The following GRM8 variants were observed in gnomAD, a reference collection of about 807,000 sequenced individuals.
GRM8 encodes the protein glutamate metabotropic receptor 8, also known as metabotropic glutamate receptor 8.
In GRM8, 47 loss-of-function variants were observed where a neutral mutation model predicts 87.2. The observed-to-expected ratio is 0.54, with a 90% confidence interval of 0.43 to 0.69. The LOEUF (loss-of-function observed/expected upper bound fraction) is 0.69, where lower values mean the gene tolerates loss of function less well. GRM8 is among the 30% of genes least tolerant of loss of function. The pLI, the probability that GRM8 is intolerant of heterozygous loss-of-function variation, is 0.00. For missense variants in GRM8, 1,019 were observed against 1,139.2 expected (o/e 0.89, Z 1.52); for synonymous variants, 396 against 404.5 (o/e 0.98, Z 0.25).
intron 2 of GRM8, among the ~76,000 whole-genome samples, chr7:127,163,477 G>A (rs1007557130): frequency 5.3e-5 from 8 of 152,190 alleles, no homozygotes; most frequent in African/African-American, 1.9e-4. Context: ...CTAGGTGGTA[G>A]GGGGTTCCCC....
At position 126,771,824 on chromosome 7, in the gene GRM8, A is replaced by T. The variant is rs370200699; in HGVS notation, c.1157-1759T>A. On this transcript the variant is annotated intron_variant, in intron 6 of 10. Transcript: ENST00000339582. ...CTACTGAAAGTTTTGCAAGTTTGCG[A>T]GCACAAAGAGACAGGGAAGATTACT... is the stretch of plus-strand genomic sequence containing the variant. Among the ~76,000 whole-genome samples the T allele has an allele frequency of 4.6e-5, 7 of 152,076 alleles. No homozygotes were observed. The East Asian group carries it at 1.4e-3, about 29-fold the overall frequency.
At position 126,439,065 on chromosome 7, in the gene GRM8, T is replaced by C; in HGVS notation, c.*54A>G. 1 of 1,073,768 alleles carries C rather than the reference T, an allele frequency of 9.3e-7. No homozygotes were observed. Among genetic ancestry groups the C allele is most frequent in the Non-Finnish European group, 1.5e-6 (1 of 687,338 alleles). 66.5% of individuals were successfully genotyped at this position (1,073,768 alleles called of 1,614,324 possible). A position where few individuals can be genotyped will look rare whatever the true frequency, so the allele number is the denominator to read the frequency against. On this transcript the variant is annotated 3_prime_UTR_variant, in exon 11 of 11. Transcript: ENST00000339582. ...AGGAGTGAATTTTTGCGGTCTCATG[T>C]TCATCATTTAAGATCATATACCACA...
intron 9 of GRM8, among the ~76,000 whole-genome samples, chr7:126,472,680 C>T (rs189515035): frequency 5.6e-4 from 86 of 152,292 alleles, no homozygotes; most frequent in Non-Finnish European, 7.9e-4. Context: ...TTCACTGCCA[C>T]GACAATGGGG....
chr7:126,677,731 C>G (rs1054638520), intron 7 of GRM8, among the ~76,000 whole-genome samples: 6 of 152,186 alleles, frequency 3.9e-5, no homozygotes, highest in Admixed American at 2.0e-4. Context: ...GATAAAAAAA[C>G]TACCTATTAG....
At chr7:126,834,139 C>G (rs1184427019) in intron 6 of GRM8, among the ~76,000 whole-genome samples, 2 of 152,178 alleles carry the variant, frequency 1.3e-5, no homozygotes, top group Non-Finnish European at 2.9e-5. Flanking sequence ...CCAAATGGTG[C>G]TAGGTAATAT....
intron 7 of GRM8, among the ~76,000 whole-genome samples, chr7:126,647,288 T>C (rs1203238370): frequency 3.2e-5 from 4 of 123,214 alleles, no homozygotes; most frequent in African/African-American, 9.6e-5. Flanking sequence ...TCTACATAAA[T>C]AGATGGATAG....
At chr7:127,006,491 A>T (rs1446068873) in intron 3 of GRM8, among the ~76,000 whole-genome samples, 1 of 151,974 alleles carries the variant, frequency 6.6e-6, no homozygotes. Context: ...AATCCACTCC[A>T]ATCAGACGTC....
intron 9 of GRM8, among the ~76,000 whole-genome samples, chr7:126,507,792 C>A (rs992651440): frequency 1.1e-4 from 17 of 152,058 alleles, no homozygotes; most frequent in African/African-American, 3.9e-4. Context: ...TCTTTTAGAG[C>A]AACTTGGCCC....
intron 7 of GRM8, among the ~76,000 whole-genome samples, chr7:126,716,805 T>C (rs1811795830): frequency 6.6e-6 from 1 of 151,996 alleles, no homozygotes; most frequent in African/African-American, 2.4e-5. Context: ...AATGAAGAAA[T>C]GGGAGTGATT....
At chr7:126,826,170 A>T (rs1282122458) in intron 6 of GRM8, among the ~76,000 whole-genome samples, 3 of 152,054 alleles carry the variant, frequency 2.0e-5, no homozygotes, top group Admixed American at 6.6e-5. Flanking sequence ...GAATAGTGCC[A>T]CAATAAACAT....
chr7:127,190,186 G>A (rs1305605218), intron 2 of GRM8, among the ~76,000 whole-genome samples: 1 of 152,192 alleles, frequency 6.6e-6, no homozygotes, highest in African/African-American at 2.4e-5. Context: ...TCATGGTGAT[G>A]GAAGAGAAGC....
intron 3 of GRM8, among the ~76,000 whole-genome samples, chr7:126,988,223 A>G (rs1812305811): frequency 6.6e-6 from 1 of 152,222 alleles, no homozygotes; most frequent in South Asian, 2.1e-4. Context: ...ATGCGAAATG[A>G]CGTGCGTCAT....
chr7:126,578,445 T>C (rs1349618851), intron 8 of GRM8, among the ~76,000 whole-genome samples: 1 of 152,174 alleles, frequency 6.6e-6, no homozygotes, highest in African/African-American at 2.4e-5. Context: ...AGAATACAGT[T>C]TGACTTAGTG....
intron 3 of GRM8, among the ~76,000 whole-genome samples, chr7:126,975,960 T>C (rs190949883): frequency 1.2e-3 from 185 of 152,260 alleles, no homozygotes; most frequent in African/African-American, 4.3e-3. Flanking sequence ...ATTATTAATT[T>C]TCTAACCAGG....
At chr7:126,690,929 G>C (rs1244835984) in intron 7 of GRM8, among the ~76,000 whole-genome samples, 1 of 152,170 alleles carries the variant, frequency 6.6e-6, no homozygotes, top group African/African-American at 2.4e-5. Flanking sequence ...TCAGAGGGGA[G>C]GTAGTGAATG....
At chr7:126,724,261 C>T (rs1013387835) in intron 7 of GRM8, among the ~76,000 whole-genome samples, 7 of 152,138 alleles carry the variant, frequency 4.6e-5, no homozygotes, top group African/African-American at 7.2e-5. Context: ...TGTAGTTAAG[C>T]GCAGGCCTGA....
At chr7:127,059,331 C>CTTTTTTTTTTTTTT (rs10618329) in intron 3 of GRM8, among the ~76,000 whole-genome samples, 3 of 130,592 alleles carry the variant, frequency 2.3e-5, no homozygotes, top group African/African-American at 2.8e-5. Flanking sequence ...TTTTTTTTTG[C>CTTTTTTTTTTTTTT]TTTTTTTTTT....
At chr7:127,152,011 T>G (rs1057162712) in intron 2 of GRM8, among the ~76,000 whole-genome samples, 5 of 152,118 alleles carry the variant, frequency 3.3e-5, no homozygotes, top group African/African-American at 1.2e-4. Context: ...TGTTGAATTT[T>G]CATGTTTATT....
intron 8 of GRM8, among the ~76,000 whole-genome samples, chr7:126,556,016 A>G (rs1793095461): frequency 6.6e-6 from 1 of 151,756 alleles, no homozygotes; most frequent in South Asian, 2.1e-4. Context: ...CAACTCTGAA[A>G]AACCAAAAGC....
Sources: allele counts gnomAD v4.1 joint callset (sites outside exome capture counted in the v4.1 genomes callset), GRCh38; gene constraint gnomAD v4.1.1; transcripts MANE v1.5; gene names NCBI Gene and HGNC (gene_info 2026-07-23, HGNC 2026-07-21).